The following SLC12A2 variants were observed in gnomAD, a reference collection of about 807,000 sequenced individuals.
The protein encoded by SLC12A2 is solute carrier family 12 member 2.
Under a neutral mutation model 136.3 loss-of-function variants are expected in SLC12A2, and 67 were observed. The ratio of observed to expected loss-of-function variants is 0.49; its 90% CI spans 0.40 to 0.60. SLC12A2 has a LOEUF of 0.60. Ranked by LOEUF, SLC12A2 falls within the 20% of genes least tolerant of loss-of-function variation. The pLI is 0.00. For synonymous variants in SLC12A2, 619 were observed against 562.9 expected, an observed-to-expected ratio of 1.10 and a Z score of -1.41; for missense variants, 1,322 against 1,534.7, an observed-to-expected ratio of 0.86 and a Z score of 2.32.
At chr5:128,127,011 G>C (rs1233257682) in intron 4 of SLC12A2, among the ~76,000 whole-genome samples, 33 of 94,228 alleles carry the variant, frequency 3.5e-4, no homozygotes, top group African/African-American at 1.3e-3. Context: ...CCTAGCATTT[G>C]TAGGATAAAC....
In SLC12A2 at chr5:128,147,733, AGT is replaced by A. The variant is rs776297556; in HGVS notation, c.1881+7_1881+8del. The A allele has an allele frequency of 1.1e-5, 17 of 1,557,866 alleles. No individual in the cohort carries two copies. Among genetic ancestry groups the A allele is most frequent in the Non-Finnish European group, 1.4e-5 (16 of 1,130,366 alleles). ...GAGTGCTCCCAAAATATTTCAGGTA[AGT>A]GTTTTTATATTACAGGCTTTATTAA... On this transcript the variant is annotated splice_donor_5th_base_variant and intron_variant, in intron 11 of 26. Transcript: ENST00000262461.
chr5:128,141,866 A>T lies in SLC12A2; in HGVS notation c.1658A>T (p.Asn553Ile), dbSNP rs1439476038. Residue 553 changes from asparagine to isoleucine, a missense_variant, in exon 10 of 27, where the codon AAT becomes ATT. Coordinates refer to ENST00000262461, the MANE Select transcript of SLC12A2 (RefSeq NM_001046.3). ...GTTCGAGATGCCACTGGAAACGTTA[A>T]TGACACTATCGTAACAGAGCTAACA... Reference protein sequence around the residue: ...CVVRDATGNVNDTIVTELTNC... With the variant: ...CVVRDATGNVIDTIVTELTNC... 3 of 1,613,792 alleles carry T rather than the reference A, an allele frequency of 1.9e-6. No homozygotes were observed. The South Asian group carries it at 3.3e-5, about 18-fold the overall frequency.
At chr5:128,146,501 A>G (rs1288645457) in intron 10 of SLC12A2, among the ~76,000 whole-genome samples, 1 of 150,326 alleles carries the variant, frequency 6.7e-6, no homozygotes, top group Non-Finnish European at 1.5e-5. Context: ...AATTCACCTG[A>G]ATTCATGATC....
At position 128,141,936 on chromosome 5, in the gene SLC12A2, T is replaced by C. The variant is rs1418354874; in HGVS notation, c.1728T>C (p.Ser576=). 6.2e-7 allele frequency: 1 copy of C among 1,614,048 alleles called. No individual in the cohort carries two copies. Among genetic ancestry groups the C allele is most frequent in the South Asian group, 1.1e-5 (1 of 91,074 alleles). The part of the protein sequence containing the change: ...AACKLNFDFS[S]CESSPCSYGL... ...GCAAATTAAACTTTGATTTTTCATCTTGTGAAAGCAGTCCTTGTTCCTATG... is the reference window on the plus strand; with the variant it reads ...GCAAATTAAACTTTGATTTTTCATCCTGTGAAAGCAGTCCTTGTTCCTATG... Residue 576 remains serine (S), a synonymous_variant, in exon 10 of 27, where the codon TCT becomes TCC. Coordinates refer to ENST00000262461, the MANE Select transcript of SLC12A2 (RefSeq NM_001046.3).
At chr5:128,123,857 C>T (rs1180873204) in intron 4 of SLC12A2, among the ~76,000 whole-genome samples, 2 of 152,118 alleles carry the variant, frequency 1.3e-5, no homozygotes, top group South Asian at 2.1e-4. Flanking sequence ...AGAAACCTTT[C>T]CCTAGCCTGG....
At chr5:128,111,300 T>C (rs755677113) in intron 1 of SLC12A2, among the ~76,000 whole-genome samples, 6 of 152,190 alleles carry the variant, frequency 3.9e-5, no homozygotes, top group Non-Finnish European at 7.3e-5. Context: ...ATCTAAGAGC[T>C]AATCTAGGTT....
chr5:128,139,099 A>G (rs1762273295), intron 9 of SLC12A2, among the ~76,000 whole-genome samples, 191 bp downstream of exon 9: 1 of 152,180 alleles, frequency 6.6e-6, no homozygotes, highest in Non-Finnish European at 1.5e-5. Context: ...CATTATCTAA[A>G]CCGCCAAATG....
intron 1 of SLC12A2, among the ~76,000 whole-genome samples, chr5:128,096,487 ATTT>A (rs995545370): frequency 6.6e-6 from 1 of 151,996 alleles, no homozygotes; most frequent in African/African-American, 2.4e-5. Context: ...TTATAGGAAG[ATTT>A]TTTTCTTTGA....
At chr5:128,096,126 G>A (rs1760528858) in intron 1 of SLC12A2, among the ~76,000 whole-genome samples, 1 of 152,080 alleles carries the variant, frequency 6.6e-6, no homozygotes, top group African/African-American at 2.4e-5. Flanking sequence ...TCAGAAGCTA[G>A]TATCAACTTG....
chr5:128,151,185 C>T (rs1005470512), intron 13 of SLC12A2, 56 bp from the exon 14 acceptor site: 14 of 1,469,002 alleles, frequency 9.5e-6, no homozygotes, highest in Admixed American at 8.5e-5. Context: ...ACATATGTAC[C>T]ATTGTGTAAA....
intron 10 of SLC12A2, among the ~76,000 whole-genome samples, chr5:128,143,498 C>T (rs550706905): frequency 6.6e-6 from 1 of 152,140 alleles, no homozygotes; most frequent in South Asian, 2.1e-4. Context: ...TTATTGTTAC[C>T]TCTATTAAGG....
At chr5:128,124,026 T>C (rs1294991798) in intron 4 of SLC12A2, among the ~76,000 whole-genome samples, 2 of 152,216 alleles carry the variant, frequency 1.3e-5, no homozygotes, top group Non-Finnish European at 2.9e-5. Context: ...TCTGTTAAGG[T>C]GATCTCTTTT....
intron 10 of SLC12A2, among the ~76,000 whole-genome samples, chr5:128,145,913 A>T (rs756284900): frequency 6.6e-6 from 1 of 152,026 alleles, no homozygotes; most frequent in Non-Finnish European, 1.5e-5. Flanking sequence ...GAAGCAGAGA[A>T]TCTAGGTGAT....
At chr5:128,088,007 C>CTGTGTGTG (rs58191870) in intron 1 of SLC12A2, among the ~76,000 whole-genome samples, 3,757 of 140,346 alleles carry the variant, frequency 0.027, 91 homozygotes, top group African/African-American at 0.053. Flanking sequence ...GGAGGAGGCT[C>CTGTGTGTG]TGTGTGTGTG....
At chr5:128,142,360 C>T (rs188543050) in intron 10 of SLC12A2, among the ~76,000 whole-genome samples, 1 of 152,282 alleles carries the variant, frequency 6.6e-6, no homozygotes, top group East Asian at 1.9e-4. Context: ...GCATGGGCCT[C>T]CCAAAGTGCT....
Position 128,186,923 on chromosome 5 carries a change from G to C in SLC12A2, c.*292G>C. 1 of 238,294 alleles carries C rather than the reference G, an allele frequency of 4.2e-6. No individual in the cohort carries two copies. The highest frequency in any genetic ancestry group is 8.3e-5 in the East Asian group (1 of 12,110). 14.8% of individuals were successfully genotyped at this position (238,294 alleles called of 1,614,324 possible). ...AGCAATAAAAGCGTGTTAACTTTTTGATTGATGAAAGAAGTACAAAAAGCC... is the reference window on the plus strand; with the variant it reads ...AGCAATAAAAGCGTGTTAACTTTTTCATTGATGAAAGAAGTACAAAAAGCC... On this transcript the variant is annotated 3_prime_UTR_variant, in exon 27 of 27. Transcript: ENST00000262461.
chr5:128,150,591 A>G (rs1306862105), intron 13 of SLC12A2, among the ~76,000 whole-genome samples: 1 of 151,670 alleles, frequency 6.6e-6, no homozygotes, highest in Non-Finnish European at 1.5e-5. Flanking sequence ...ACATTCTAAC[A>G]TCAGGTTTTT....
chr5:128,089,169 CAAA>C (rs34686489), intron 1 of SLC12A2, among the ~76,000 whole-genome samples: 34 of 119,724 alleles, frequency 2.8e-4, no homozygotes, highest in Admixed American at 3.3e-4. Flanking sequence ...ACTTTGTCTC[CAAA>C]AAAAAAAAAA....
chr5:128,181,941 C>T (rs1222646747), intron 23 of SLC12A2, among the ~76,000 whole-genome samples: 2 of 141,372 alleles, frequency 1.4e-5, no homozygotes, highest in South Asian at 2.5e-4. Context: ...CCCCACTTAC[C>T]CCCCCATCTA....
Sources: gnomAD v4.1 joint callset for allele counts (sites outside exome capture counted in the v4.1 genomes callset) on GRCh38, gnomAD v4.1.1 for gene constraint, MANE v1.5 for transcripts, NCBI Gene and HGNC (gene_info 2026-07-23, HGNC 2026-07-21) for gene names.